KCND2: variants seen among roughly 807,000 people sequenced by gnomAD.
KCND2 encodes potassium voltage-gated channel subfamily D member 2.
Under a neutral mutation model 54.4 loss-of-function variants are expected in KCND2, and 16 were observed. The ratio of observed to expected loss-of-function variants is 0.29; its 90% CI spans 0.20 to 0.45. KCND2 has a LOEUF of 0.45. KCND2 is among the 20% of genes least tolerant of loss of function. The pLI is 1.00. For missense variants in KCND2, 486 were observed against 824.2 expected (o/e 0.59, Z 5.02); for synonymous variants, 317 against 310.7 (o/e 1.02, Z -0.21).
At chr7:120,445,151 A>G (rs752133997) in intron 1 of KCND2, among the ~76,000 whole-genome samples, 3 of 152,216 alleles carry the variant, frequency 2.0e-5, no homozygotes, top group Non-Finnish European at 2.9e-5. Flanking sequence ...CACCTTTGAA[A>G]ATAGGAATTT....
At chr7:120,675,356 C>T (rs1458122194) in intron 1 of KCND2, among the ~76,000 whole-genome samples, 3 of 151,974 alleles carry the variant, frequency 2.0e-5, no homozygotes, top group African/African-American at 7.3e-5. Context: ...ACTCGAGTAG[C>T]TGGGATTACA....
intron 1 of KCND2, among the ~76,000 whole-genome samples, chr7:120,701,453 C>T (rs1436308352): frequency 1.3e-5 from 2 of 152,028 alleles, no homozygotes; most frequent in Non-Finnish European, 1.5e-5. Flanking sequence ...GCCAAGTGCT[C>T]ATATTCAAAA....
At chr7:120,387,468 C>T (rs988653561) in intron 1 of KCND2, among the ~76,000 whole-genome samples, 2 of 151,762 alleles carry the variant, frequency 1.3e-5, no homozygotes, top group African/African-American at 4.8e-5. Context: ...TATTTATTGC[C>T]TATATGTCAT....
At chr7:120,355,697 C>T (rs530710003) in intron 1 of KCND2, among the ~76,000 whole-genome samples, 1 of 152,226 alleles carries the variant, frequency 6.6e-6, no homozygotes, top group East Asian at 1.9e-4. Flanking sequence ...AGTACGCTTT[C>T]CCCTGAATAT....
At chr7:120,551,817 G>C (rs1333702800) in intron 1 of KCND2, among the ~76,000 whole-genome samples, 1 of 152,118 alleles carries the variant, frequency 6.6e-6, no homozygotes, top group Non-Finnish European at 1.5e-5. Flanking sequence ...TTCATTTTGT[G>C]CCAGCCACTT....
intron 1 of KCND2, among the ~76,000 whole-genome samples, chr7:120,455,367 A>G (rs6965138): frequency 2.0e-5 from 3 of 151,908 alleles, no homozygotes; most frequent in Admixed American, 1.3e-4. Flanking sequence ...GAATAGAGAG[A>G]TTACACACTA....
intron 1 of KCND2, among the ~76,000 whole-genome samples, chr7:120,344,112 A>G (rs145916005): frequency 4.0e-4 from 61 of 152,326 alleles, no homozygotes; most frequent in African/African-American, 1.4e-3. Flanking sequence ...CTATTGTCAT[A>G]GTTATAGCAA....
At chr7:120,286,859 A>G (rs1799352936) in intron 1 of KCND2, among the ~76,000 whole-genome samples, 1 of 152,080 alleles carries the variant, frequency 6.6e-6, no homozygotes, top group Non-Finnish European at 1.5e-5. Flanking sequence ...TTATTGTCGA[A>G]TAAACAGAAA....
intron 1 of KCND2, among the ~76,000 whole-genome samples, chr7:120,621,702 CA>C (rs1793101279): frequency 6.6e-6 from 1 of 152,004 alleles, no homozygotes; most frequent in Non-Finnish European, 1.5e-5. Context: ...ACAAATAATT[CA>C]AAACATGTAG....
chr7:120,526,376 C>G (rs970151276), intron 1 of KCND2, among the ~76,000 whole-genome samples: 1 of 151,936 alleles, frequency 6.6e-6, no homozygotes, highest in African/African-American at 2.4e-5. Flanking sequence ...AATTTGACTC[C>G]TAATATACAG....
rs556751143 is a variant in KCND2, at chr7:120,722,737, GA to G, written c.1116-10159del. ...TTAGGCTGTGTAAACTCAGATGGGG[GA>G]AAAAAATTTCAAATTAAATAGCTGC... On this transcript the variant is annotated intron_variant, in intron 1 of 5. Coordinates refer to ENST00000331113, the MANE Select transcript of KCND2 (RefSeq NM_012281.3). 4.3e-4 allele frequency among the ~76,000 whole-genome samples: 66 copies of G among 152,190 alleles called. No homozygotes were observed. In the South Asian group the frequency reaches 5.2e-3, roughly 12 times the overall value.
At chr7:120,407,559 T>C (rs1801380182) in intron 1 of KCND2, among the ~76,000 whole-genome samples, 1 of 151,960 alleles carries the variant, frequency 6.6e-6, no homozygotes. Flanking sequence ...CTCCTTTCTG[T>C]GCCTCAGTTT....
At chr7:120,550,746 T>G (rs947779088) in intron 1 of KCND2, among the ~76,000 whole-genome samples, 3 of 152,150 alleles carry the variant, frequency 2.0e-5, no homozygotes, top group African/African-American at 7.2e-5. Context: ...GCCTTTATGT[T>G]TGTGGATCCT....
At chr7:120,415,335 G>A (rs527821403) in intron 1 of KCND2, among the ~76,000 whole-genome samples, 2 of 152,220 alleles carry the variant, frequency 1.3e-5, no homozygotes, top group African/African-American at 4.8e-5. Flanking sequence ...TTATATGGGA[G>A]ACAAATAAAG....
Position 120,732,224 on chromosome 7 carries a change from GA to G in KCND2, c.1116-676del, listed in dbSNP as rs529934519. Among the ~76,000 whole-genome samples, 446 of 152,200 alleles carry G rather than the reference GA, an allele frequency of 2.9e-3. 2 individuals carry two copies. The highest frequency in any genetic ancestry group is 0.01 in the African/African-American group (421 of 41,550). On this transcript the variant is annotated intron_variant, in intron 1 of 5. Coordinates refer to ENST00000331113, the MANE Select transcript of KCND2 (RefSeq NM_012281.3). Reference sequence around the variant, plus strand: ...CTAAGGTTTAGAAATCAGATAAGGGGAAAGGAGGCAGAAAAAAAGATGGAGA... The same window carrying G: ...CTAAGGTTTAGAAATCAGATAAGGGGAAGGAGGCAGAAAAAAAGATGGAGA...
At chr7:120,435,810 T>G (rs1353794924) in intron 1 of KCND2, among the ~76,000 whole-genome samples, 1 of 152,088 alleles carries the variant, frequency 6.6e-6, no homozygotes, top group East Asian at 1.9e-4. Context: ...CAATGGAGTA[T>G]GTTTGTTTGT....
At chr7:120,609,027 C>T (rs1792918119) in intron 1 of KCND2, among the ~76,000 whole-genome samples, 1 of 152,090 alleles carries the variant, frequency 6.6e-6, no homozygotes, top group South Asian at 2.1e-4. Context: ...TTTCCCTACT[C>T]AGGCTGGGAT....
chr7:120,630,080 C>T (rs1793214708), intron 1 of KCND2, among the ~76,000 whole-genome samples: 2 of 152,060 alleles, frequency 1.3e-5, no homozygotes, highest in Admixed American at 6.6e-5. Context: ...CCAGGGCTGA[C>T]ATTTAGGGAA....
intron 1 of KCND2, among the ~76,000 whole-genome samples, chr7:120,611,456 A>C (rs945767176): frequency 5.3e-5 from 8 of 152,162 alleles, no homozygotes; most frequent in African/African-American, 1.9e-4. Context: ...GTAGGTTAGC[A>C]TAGAAATGAA....
Sources: gnomAD v4.1 joint callset for allele counts (sites outside exome capture counted in the v4.1 genomes callset) on GRCh38, gnomAD v4.1.1 for gene constraint, MANE v1.5 for transcripts, NCBI Gene and HGNC (gene_info 2026-07-23, HGNC 2026-07-21) for gene names.